Variants in RIT2 observed in about 807,000 individuals in gnomAD.
RIT2 encodes GTP-binding protein Rit2.
A neutral mutation model predicts 23.7 loss-of-function variants in RIT2; 24 were observed. The ratio of observed to expected loss-of-function variants is 1.01; its 90% CI spans 0.73 to 1.43. The LOEUF (loss-of-function observed/expected upper bound fraction) is 1.43, where lower values mean the gene tolerates loss of function less well. Among genes scored for constraint, RIT2 ranks in the 40% most tolerant of loss-of-function variants. The pLI is 0.00. For missense variants in RIT2, 236 were observed against 266.9 expected (o/e 0.88, Z 0.81); for synonymous variants, 107 against 91.1 (o/e 1.17, Z -0.99).
chr18:43,098,859 T>C (rs944824352), intron 1 of RIT2, among the ~76,000 whole-genome samples: 3 of 151,932 alleles, frequency 2.0e-5, no homozygotes, highest in Non-Finnish European at 4.4e-5. Context: ...AGATCTCAAA[T>C]CTTTACTTTT....
intron 4 of RIT2, among the ~76,000 whole-genome samples, chr18:42,889,731 A>G (rs557673459): frequency 1.4e-4 from 21 of 152,252 alleles, no homozygotes; most frequent in African/African-American, 5.1e-4. Context: ...AAACATTTAT[A>G]CATATAATCA....
intron 2 of RIT2, among the ~76,000 whole-genome samples, chr18:42,988,311 A>G (rs1455088310): frequency 2.0e-5 from 3 of 152,214 alleles, no homozygotes; most frequent in East Asian, 1.9e-4. Flanking sequence ...TTTTTACGGT[A>G]ACACTATATT....
chr18:42,756,764 C>A (rs1057396188), intron 4 of RIT2, among the ~76,000 whole-genome samples: 5 of 151,810 alleles, frequency 3.3e-5, no homozygotes, highest in Non-Finnish European at 7.4e-5. Context: ...CCTTCTGAAC[C>A]TTCAGGGGAT....
At chr18:43,090,654 G>A (rs1913401322) in intron 1 of RIT2, among the ~76,000 whole-genome samples, 1 of 151,904 alleles carries the variant, frequency 6.6e-6, no homozygotes, top group South Asian at 2.1e-4. Flanking sequence ...AAGAGATTGT[G>A]GTACATATAC....
At chr18:42,835,941 C>T (rs1346656743) in intron 4 of RIT2, among the ~76,000 whole-genome samples, 1 of 152,074 alleles carries the variant, frequency 6.6e-6, no homozygotes, top group East Asian at 1.9e-4. Context: ...AGTCAAGTAT[C>T]CAAATCATTT....
intron 1 of RIT2, among the ~76,000 whole-genome samples, chr18:43,092,236 A>C (rs1913439609): frequency 6.6e-6 from 1 of 152,102 alleles, no homozygotes; most frequent in Admixed American, 6.6e-5. Flanking sequence ...GACTCTGTAG[A>C]GCTCTGACTC....
intron 2 of RIT2, among the ~76,000 whole-genome samples, chr18:42,985,660 A>G (rs1257224420): frequency 6.6e-6 from 1 of 152,200 alleles, no homozygotes; most frequent in African/African-American, 2.4e-5. Flanking sequence ...TTGTTAATGG[A>G]ACATAAATAT....
intron 4 of RIT2, among the ~76,000 whole-genome samples, chr18:42,830,973 A>G (rs1906441289): frequency 1.3e-5 from 2 of 152,202 alleles, no homozygotes; most frequent in South Asian, 4.1e-4. Context: ...ACTCTTCTAA[A>G]TAAGGGCACA....
intron 4 of RIT2, among the ~76,000 whole-genome samples, chr18:42,918,765 G>A: frequency 6.6e-6 from 1 of 152,212 alleles, no homozygotes; most frequent in African/African-American, 2.4e-5. Context: ...AAGTTTCCCA[G>A]TGATCACTCT....
chr18:42,816,196 C>T lies in RIT2; in HGVS notation c.427-72476G>A, dbSNP rs1052906419. Among the ~76,000 whole-genome samples the T allele has an allele frequency of 2.0e-5, 3 of 152,074 alleles. No homozygotes were observed. The East Asian group carries it at 5.8e-4, about 29-fold the overall frequency. On this transcript the variant is annotated intron_variant, in intron 4 of 4. Coordinates refer to ENST00000326695, the MANE Select transcript of RIT2 (RefSeq NM_002930.4). ...CCAGTTTCCATGGTATAAATACCCC[C>T]CCATGGCTGATTTCAAACTGCTGAT...
intron 2 of RIT2, among the ~76,000 whole-genome samples, chr18:43,001,162 G>A (rs748332930): frequency 5.3e-4 from 81 of 151,830 alleles, no homozygotes; most frequent in Non-Finnish European, 8.2e-4. Context: ...TATACACAGC[G>A]AGGGACAAGA....
chr18:43,030,602 T>C (rs1355802901), intron 2 of RIT2, among the ~76,000 whole-genome samples: 1 of 152,078 alleles, frequency 6.6e-6, no homozygotes, highest in Non-Finnish European at 1.5e-5. Flanking sequence ...TTTGGTTCTG[T>C]GTAGAAACCA....
At chr18:42,814,473 T>C (rs1344735263) in intron 4 of RIT2, among the ~76,000 whole-genome samples, 1 of 152,064 alleles carries the variant, frequency 6.6e-6, no homozygotes, top group Non-Finnish European at 1.5e-5. Flanking sequence ...ACAACCTGCA[T>C]GACATAGTAG....
At chr18:43,051,553 G>A (rs967263481) in intron 1 of RIT2, among the ~76,000 whole-genome samples, 1 of 151,986 alleles carries the variant, frequency 6.6e-6, no homozygotes, top group Non-Finnish European at 1.5e-5. Flanking sequence ...TCATAAATTG[G>A]ACATGTGTGT....
intron 4 of RIT2, among the ~76,000 whole-genome samples, chr18:42,753,102 A>G (rs1376172043): frequency 1.3e-5 from 2 of 152,130 alleles, no homozygotes; most frequent in East Asian, 1.9e-4. Flanking sequence ...TGGGGGGTTG[A>G]TGAGACCACT....
At chr18:43,008,747 C>T (rs1483072669) in intron 2 of RIT2, among the ~76,000 whole-genome samples, 1 of 151,408 alleles carries the variant, frequency 6.6e-6, no homozygotes, top group Non-Finnish European at 1.5e-5. Context: ...TAGTATAAAT[C>T]TTTCTATCTT....
chr18:42,888,519 G>GTT (rs139162530), intron 4 of RIT2, among the ~76,000 whole-genome samples: 15,688 of 148,446 alleles, frequency 0.11, 936 homozygotes, highest in Middle Eastern at 0.25. Flanking sequence ...TCCAGCATCT[G>GTT]TTTTTTTTTT....
intron 4 of RIT2, among the ~76,000 whole-genome samples, chr18:42,913,511 C>G (rs1908825667): frequency 6.6e-6 from 1 of 151,572 alleles, no homozygotes; most frequent in Admixed American, 6.6e-5. Context: ...ATGCAAAGAA[C>G]TCTCATAACT....
chr18:42,864,791 CT>C (rs1355395082), intron 4 of RIT2, among the ~76,000 whole-genome samples: 1 of 152,204 alleles, frequency 6.6e-6, no homozygotes, highest in Non-Finnish European at 1.5e-5. Context: ...CAGTCCTCCA[CT>C]AAGCCTCGCC....
Sources: gnomAD v4.1 joint callset for allele counts (sites outside exome capture counted in the v4.1 genomes callset) on GRCh38, gnomAD v4.1.1 for gene constraint, MANE v1.5 for transcripts, NCBI Gene and HGNC (gene_info 2026-07-23, HGNC 2026-07-21) for gene names.